THOC1: variants seen among roughly 807,000 people sequenced by gnomAD.
THOC1 encodes the protein THO complex subunit 1, also known as THO complex 1.
THOC1 carries 29 observed loss-of-function variants against 97.3 expected under a neutral mutation model. The observed-to-expected ratio is 0.30, with a 90% CI of 0.22 to 0.41. The LOEUF (loss-of-function observed/expected upper bound fraction) is 0.41. Among genes scored for constraint, THOC1 ranks in the 10% least tolerant of loss-of-function variants. The probability of loss-of-function intolerance (pLI) is 1.00; values close to 1 mark genes in which losing one functional copy is unlikely to be tolerated. For missense variants in THOC1, 529 were observed against 761.9 expected (o/e 0.69, Z 3.60); for synonymous variants, 255 against 257.0 (o/e 0.99, Z 0.07).
chr18:229,930 C>T lies in THOC1; in HGVS notation c.919-3029G>A, dbSNP rs1220309058. ...TTCTCTTCTGAATCTACACTCTCCC[C>T]TTTAGCTCATTTCATACACTCTACA... On this transcript the variant is annotated intron_variant, in intron 11 of 20. Transcript: ENST00000261600. 3.9e-5 allele frequency among the ~76,000 whole-genome samples: 6 copies of T among 152,276 alleles called. No homozygotes were observed. In the East Asian group the frequency reaches 1.2e-3, roughly 29 times the overall value.
At chr18:262,056 G>A (rs1912622382) in intron 4 of THOC1, among the ~76,000 whole-genome samples, 1 of 152,102 alleles carries the variant, frequency 6.6e-6, no homozygotes, top group African/African-American at 2.4e-5. Context: ...TCCTTCCATG[G>A]TTTTGTTCAC....
In THOC1 at chr18:229,255, C is replaced by T. The variant is rs575906654; in HGVS notation, c.919-2354G>A. Among the ~76,000 whole-genome samples, 310 of 152,292 alleles carry T rather than the reference C, an allele frequency of 2.0e-3. 2 individuals are homozygous for T. Among genetic ancestry groups the T allele is most frequent in the African/African-American group, 6.5e-3 (270 of 41,566 alleles). ...CTTTCCATAAGCATTAAATAAGCTC[C>T]CTCAAAAATCTCCCACATTCTCACC... On this transcript the variant is annotated intron_variant, in intron 11 of 20. Coordinates refer to ENST00000261600, the MANE Select transcript of THOC1 (RefSeq NM_005131.3).
intron 4 of THOC1, among the ~76,000 whole-genome samples, chr18:261,774 A>T (rs1460162728): frequency 6.6e-6 from 1 of 152,190 alleles, no homozygotes; most frequent in Non-Finnish European, 1.5e-5. Flanking sequence ...ACTCACATTT[A>T]ATAATTATAG....
chr18:260,891 G>A (rs1037331060), intron 4 of THOC1: 1 of 152,090 alleles, frequency 6.6e-6, no homozygotes, highest in African/African-American at 2.4e-5. Context: ...ATATGGTTAT[G>A]ACAATAAAAA....
Position 242,369 on chromosome 18 carries a change from T to C in THOC1, c.918+3955A>G, listed in dbSNP as rs34132492. ...GTTGGGCGCCTGTAATCCCAGCTAC[T>C]TGGGAGGCTGAGGCACGAGAATCGC... On this transcript the variant is annotated intron_variant, in intron 11 of 20. Transcript: ENST00000261600. This position sits in a 1 kb window ranked among gnomAD's most constrained non-coding sequence, Gnocchi z 4.5. 0.21 allele frequency among the ~76,000 whole-genome samples: 32,029 copies of C among 151,428 alleles called. 3,559 individuals carry two copies. The highest frequency in any genetic ancestry group is 0.23 in the Non-Finnish European group (15,915 of 67,852).
chr18:259,108 G>A, intron 7 of THOC1, 72 bp downstream of exon 7: 1 of 1,134,632 alleles, frequency 8.8e-7, no homozygotes, highest in Non-Finnish European at 1.3e-6. Context: ...TCATTATCAT[G>A]ACAGATTTTA....
intron 11 of THOC1, among the ~76,000 whole-genome samples, chr18:240,785 A>T (rs1291289622): frequency 6.6e-6 from 1 of 152,180 alleles, no homozygotes; most frequent in Non-Finnish European, 1.5e-5. Context: ...TATTATTAAT[A>T]TATTGTAATA....
chr18:217,154 T>A (rs1268671254), intron 18 of THOC1, among the ~76,000 whole-genome samples: 1 of 152,258 alleles, frequency 6.6e-6, no homozygotes, highest in Non-Finnish European at 1.5e-5. Context: ...AGTTTTGGAT[T>A]GGAAGTCTCT....
chr18:229,163 C>G (rs1367262666), intron 11 of THOC1, among the ~76,000 whole-genome samples: 1 of 152,166 alleles, frequency 6.6e-6, no homozygotes, highest in African/African-American at 2.4e-5. Flanking sequence ...CCCAATATCC[C>G]TAACAATTGA....
chr18:226,517 G>C (rs996278573), intron 12 of THOC1: 2 of 295,268 alleles, frequency 6.8e-6, no homozygotes, highest in African/African-American at 4.4e-5. Context: ...AGGTGAGAAG[G>C]GAATGACGGA....
chr18:255,266 A>G (rs1030414780), intron 7 of THOC1, among the ~76,000 whole-genome samples: 2 of 152,258 alleles, frequency 1.3e-5, no homozygotes, highest in African/African-American at 4.8e-5. Flanking sequence ...TTAGTAATTA[A>G]GGCATGTCAA....
At chr18:230,165 G>A (rs1911435593) in intron 11 of THOC1, among the ~76,000 whole-genome samples, 1 of 152,072 alleles carries the variant, frequency 6.6e-6, no homozygotes, top group South Asian at 2.1e-4. Context: ...TCAATGAGAG[G>A]CTCCAACATC....
chr18:253,982 C>G (rs1442086894), intron 8 of THOC1, among the ~76,000 whole-genome samples: 1 of 149,432 alleles, frequency 6.7e-6, no homozygotes, highest in Admixed American at 6.7e-5. Flanking sequence ...ATGATCAAGG[C>G]TCACTGCAGC....
chr18:259,487 T>G (rs1912538157), intron 6 of THOC1, among the ~76,000 whole-genome samples, 195 bp downstream of exon 6: 1 of 152,112 alleles, frequency 6.6e-6, no homozygotes, highest in African/African-American at 2.4e-5. Context: ...TTTACTACGT[T>G]TCTGACTTTA....
At chr18:245,174 T>C (rs1912047812) in intron 11 of THOC1, 1 of 152,196 alleles carries the variant, frequency 6.6e-6, no homozygotes, top group Non-Finnish European at 1.5e-5. Context: ...AATAAATATA[T>C]ATATATATCC....
chr18:263,931 T>C (rs1912683755), intron 4 of THOC1, 95 bp downstream of exon 4: 1 of 950,150 alleles, frequency 1.1e-6, no homozygotes, highest in Non-Finnish European at 1.6e-6. Flanking sequence ...ATAAACAAAA[T>C]CAGATAGGTG....
intron 18 of THOC1, among the ~76,000 whole-genome samples, chr18:216,910 T>G (rs565913098): frequency 2.0e-4 from 30 of 152,340 alleles, no homozygotes; most frequent in Non-Finnish European, 4.3e-4. Flanking sequence ...TCATTTTGTT[T>G]AATTTTAACA....
chr18:222,562 TG>T (rs1911129061), intron 17 of THOC1, among the ~76,000 whole-genome samples: 3 of 152,186 alleles, frequency 2.0e-5, no homozygotes, highest in Non-Finnish European at 4.4e-5. Flanking sequence ...TAAGAATTAC[TG>T]GATTAATGAT....
At chr18:243,831 T>C (rs1265579633) in intron 11 of THOC1, among the ~76,000 whole-genome samples, 14 of 152,220 alleles carry the variant, frequency 9.2e-5, no homozygotes, top group Admixed American at 9.2e-4. Flanking sequence ...ATTTGTTTCA[T>C]TTAAATTAAC....
Sources: gnomAD v4.1 joint callset for allele counts (sites outside exome capture counted in the v4.1 genomes callset) on GRCh38, gnomAD v4.1.1 for gene constraint, Gnocchi (gnomAD v3.1) non-coding constraint, MANE v1.5 for transcripts, NCBI Gene and HGNC (gene_info 2026-07-23, HGNC 2026-07-21) for gene names.